MAP4K3: variants seen among roughly 807,000 people sequenced by gnomAD.
MAP4K3 encodes MAPK/ERK kinase kinase kinase 3.
In MAP4K3, 94 loss-of-function variants were observed where a neutral mutation model predicts 143.5. The observed-to-expected ratio is 0.65, with a 90% CI of 0.55 to 0.78. The LOEUF (loss-of-function observed/expected upper bound fraction) is 0.78, where lower values mean the gene tolerates loss of function less well. Among genes scored for constraint, MAP4K3 ranks in the 30% least tolerant of loss-of-function variants. The pLI, the probability that MAP4K3 is intolerant of heterozygous loss-of-function variation, is 0.00. For synonymous variants in MAP4K3, 416 were observed against 347.2 expected, an observed-to-expected ratio of 1.20 and a Z score of -2.20; for missense variants, 1,077 against 1,068.1, an observed-to-expected ratio of 1.01 and a Z score of -0.12.
At chr2:39,292,913 T>C (rs537128117) in intron 17 of MAP4K3, 87 bp from the exon 18 acceptor site, 2 of 1,121,386 alleles carry the variant, frequency 1.8e-6, no homozygotes, top group Non-Finnish European at 1.3e-6. Context: ...GAAAAGCTAC[T>C]GTAAGATAAA....
chr2:39,337,918 C>T (rs375477986), intron 4 of MAP4K3, among the ~76,000 whole-genome samples: 5 of 151,916 alleles, frequency 3.3e-5, no homozygotes, highest in African/African-American at 1.2e-4. Context: ...TGCCACCACA[C>T]CTGGCTAGTT....
At chr2:39,322,396 A>G (rs1267282016) in intron 12 of MAP4K3, among the ~76,000 whole-genome samples, 2 of 152,200 alleles carry the variant, frequency 1.3e-5, no homozygotes, top group Non-Finnish European at 2.9e-5. Context: ...TAAAATTGTT[A>G]AATCTTATAA....
At chr2:39,428,887 G>A (rs1282984946) in intron 1 of MAP4K3, among the ~76,000 whole-genome samples, 2 of 151,346 alleles carry the variant, frequency 1.3e-5, no homozygotes, top group Middle Eastern at 3.2e-3. Context: ...GGCCAACATG[G>A]TGAAATCCCG....
At chr2:39,262,328 T>C (rs1277857557) in intron 28 of MAP4K3, among the ~76,000 whole-genome samples, 3 of 152,334 alleles carry the variant, frequency 2.0e-5, no homozygotes, top group African/African-American at 7.2e-5. Flanking sequence ...GCTGCTAAAG[T>C]GCCTCCATTC....
intron 1 of MAP4K3, chr2:39,379,819 AGG>A (rs1666313713): frequency 5.9e-6 from 1 of 168,708 alleles, no homozygotes; most frequent in African/African-American, 2.4e-5. Flanking sequence ...TCAGAAAGCT[AGG>A]ATGATTATAA....
chr2:39,284,938 T>C (rs112324206), intron 21 of MAP4K3, among the ~76,000 whole-genome samples: 11,691 of 152,022 alleles, frequency 0.077, 1,506 homozygotes, highest in African/African-American at 0.27. Flanking sequence ...TCACCCAGGC[T>C]GGAGTGCAGT....
chr2:39,345,921 C>CAAAAAA (rs66729858), intron 3 of MAP4K3, among the ~76,000 whole-genome samples: 3 of 15,850 alleles, frequency 1.9e-4, no homozygotes, highest in African/African-American at 6.2e-4. Context: ...GACTCTGTCT[C>CAAAAAA]AAAAAAAAAA....
chr2:39,430,285 A>G (rs1055187006), intron 1 of MAP4K3, among the ~76,000 whole-genome samples: 3 of 152,188 alleles, frequency 2.0e-5, no homozygotes, highest in Non-Finnish European at 4.4e-5. Context: ...GAGCTTAAAC[A>G]AACAAAATAA....
chr2:39,321,013 T>C (rs1220453659), intron 12 of MAP4K3, among the ~76,000 whole-genome samples: 1 of 152,204 alleles, frequency 6.6e-6, no homozygotes, highest in Non-Finnish European at 1.5e-5. Flanking sequence ...TAAATACTTG[T>C]GATGGTGAAA....
intron 1 of MAP4K3, among the ~76,000 whole-genome samples, chr2:39,406,782 T>A (rs767894682): frequency 6.6e-6 from 1 of 152,256 alleles, no homozygotes; most frequent in Admixed American, 6.5e-5. Flanking sequence ...AGAAATCATC[T>A]GAAGGTATAA....
At chr2:39,414,778 G>A (rs1667325241) in intron 1 of MAP4K3, among the ~76,000 whole-genome samples, 3 of 152,052 alleles carry the variant, frequency 2.0e-5, no homozygotes, top group Non-Finnish European at 4.4e-5. Flanking sequence ...GGGGGGTGCT[G>A]GGGCAGGAGA....
chr2:39,250,549 A>C lies in MAP4K3; in HGVS notation c.*69T>G. Reference sequence around the variant, plus strand: ...GTTACTGCAGCTTTTGTACAGCTTCAAGCATCCATTAATGTTGCAGTGGTA... The same window carrying C: ...GTTACTGCAGCTTTTGTACAGCTTCCAGCATCCATTAATGTTGCAGTGGTA... On this transcript the variant is annotated 3_prime_UTR_variant, in exon 34 of 34. Transcript: ENST00000263881. 1 of 1,394,038 alleles carries C rather than the reference A, an allele frequency of 7.2e-7. No individual in the cohort carries two copies. Among genetic ancestry groups the C allele is most frequent in the Non-Finnish European group, 1.0e-6 (1 of 989,510 alleles). 86.4% of individuals were successfully genotyped at this position (1,394,038 alleles called of 1,614,324 possible).
At chr2:39,302,002 G>A (rs900873012) in intron 15 of MAP4K3, among the ~76,000 whole-genome samples, 4 of 151,512 alleles carry the variant, frequency 2.6e-5, no homozygotes, top group Non-Finnish European at 2.9e-5. Context: ...CCAGCTTGGC[G>A]ACAGAGAGAG....
At chr2:39,254,092 T>C (rs1053518609) in intron 32 of MAP4K3, among the ~76,000 whole-genome samples, 2 of 152,202 alleles carry the variant, frequency 1.3e-5, no homozygotes, top group African/African-American at 4.8e-5. Context: ...AAGTACAAGG[T>C]AGAAAAGGTG....
chr2:39,332,364 G>A (rs1414042748), intron 7 of MAP4K3, among the ~76,000 whole-genome samples: 2 of 151,940 alleles, frequency 1.3e-5, no homozygotes, highest in Non-Finnish European at 2.9e-5. Flanking sequence ...ATCTTTAAGA[G>A]ACATTATATT....
At chr2:39,352,609 A>G (rs1665492038) in intron 3 of MAP4K3, among the ~76,000 whole-genome samples, 1 of 152,200 alleles carries the variant, frequency 6.6e-6, no homozygotes, top group South Asian at 2.1e-4. Context: ...TGCTTTGTCT[A>G]TCTACTTTTA....
intron 5 of MAP4K3, 84 bp downstream of exon 5, chr2:39,337,442 C>A: frequency 1.1e-6 from 1 of 932,936 alleles, no homozygotes; most frequent in Non-Finnish European, 1.7e-6. Flanking sequence ...ATATTTAGTT[C>A]TTACTTTGCT....
Position 39,356,442 on chromosome 2 carries a change from ATAAT to A in MAP4K3, c.155-107_155-104del, listed in dbSNP as rs1436287814. On this transcript the variant is annotated intron_variant, in intron 2 of 33. Coordinates refer to ENST00000263881, the MANE Select transcript of MAP4K3 (RefSeq NM_003618.4). ...AATTATACGTATTAATAAGTATAAC[ATAAT>A]TAATGAGTTATAAATAAAACATAGC... 20 of 658,452 alleles carry A rather than the reference ATAAT, an allele frequency of 3.0e-5. No individual in the cohort carries two copies. The East Asian group carries it at 4.7e-4, about 16-fold the overall frequency. The allele number at this position is 658,452 out of a possible 1,614,324, so 40.8% of individuals were successfully genotyped here.
chr2:39,406,926 GAC>G (rs1187189744), intron 1 of MAP4K3, among the ~76,000 whole-genome samples: 1 of 152,058 alleles, frequency 6.6e-6, no homozygotes, highest in Non-Finnish European at 1.5e-5. Context: ...CTGATAACAA[GAC>G]ACAGATGTTA....
Sources: gnomAD v4.1 joint callset for allele counts (sites outside exome capture counted in the v4.1 genomes callset) on GRCh38, gnomAD v4.1.1 for gene constraint, MANE v1.5 for transcripts, NCBI Gene and HGNC (gene_info 2026-07-23, HGNC 2026-07-21) for gene names.